The following ATXN1 variants were observed in gnomAD, a reference collection of about 807,000 sequenced individuals.
The protein encoded by ATXN1 is ataxin-1.
A neutral mutation model predicts 56.4 loss-of-function variants in ATXN1; 8 were observed. That is an observed-to-expected ratio of 0.14 (90% CI 0.08 to 0.26). The LOEUF is 0.26. Ranked by LOEUF, ATXN1 falls within the 10% of genes least tolerant of loss-of-function variation. The pLI is 1.00. For missense variants in ATXN1, 987 were observed against 1,106.5 expected (o/e 0.89, Z 1.53); for synonymous variants, 514 against 494.6 (o/e 1.04, Z -0.52).
At chr6:16,484,506 G>A (rs558808487) in intron 6 of ATXN1, among the ~76,000 whole-genome samples, 1 of 152,184 alleles carries the variant, frequency 6.6e-6, no homozygotes, top group East Asian at 1.9e-4. Context: ...GTTTTATGGG[G>A]GCTCGCGACT....
intron 2 of ATXN1, among the ~76,000 whole-genome samples, chr6:16,710,401 G>C (rs1370218407): frequency 1.3e-5 from 2 of 152,020 alleles, no homozygotes; most frequent in African/African-American, 2.4e-5. Context: ...AGTGCAATCT[G>C]AACTAACTTC....
At chr6:16,561,366 A>G (rs1202159015) in intron 4 of ATXN1, among the ~76,000 whole-genome samples, 1 of 152,196 alleles carries the variant, frequency 6.6e-6, no homozygotes, top group African/African-American at 2.4e-5. Flanking sequence ...GGTTCAGACT[A>G]TACAACAACC....
chr6:16,488,302 A>G (rs1234415709), intron 5 of ATXN1, among the ~76,000 whole-genome samples: 1 of 152,242 alleles, frequency 6.6e-6, no homozygotes, highest in Non-Finnish European at 1.5e-5. Flanking sequence ...AAAACAGATC[A>G]CATTACTTGT....
chr6:16,387,358 C>T (rs1344038897), intron 6 of ATXN1, among the ~76,000 whole-genome samples: 10 of 152,206 alleles, frequency 6.6e-5, no homozygotes, highest in African/African-American at 2.4e-4. Flanking sequence ...CTGAGTAAAA[C>T]AGATAATGTA....
chr6:16,617,508 T>C (rs1763235798), intron 3 of ATXN1, among the ~76,000 whole-genome samples: 1 of 151,698 alleles, frequency 6.6e-6, no homozygotes, highest in Admixed American at 6.6e-5. Flanking sequence ...AAAACAAATA[T>C]CAAGATAACA....
At chr6:16,648,857 C>A (rs1763846138) in intron 3 of ATXN1, among the ~76,000 whole-genome samples, 2 of 151,934 alleles carry the variant, frequency 1.3e-5, no homozygotes, top group Admixed American at 1.3e-4. Flanking sequence ...GCAAGGCTAT[C>A]ATGCAAAAAA....
At chr6:16,468,114 A>G (rs1760143367) in intron 6 of ATXN1, among the ~76,000 whole-genome samples, 1 of 152,366 alleles carries the variant, frequency 6.6e-6, no homozygotes, top group Non-Finnish European at 1.5e-5. Context: ...ATTACTAAGA[A>G]CTAATAAACT....
At chr6:16,402,437 T>C (rs1561882546) in intron 6 of ATXN1, among the ~76,000 whole-genome samples, 1 of 36,242 alleles carries the variant, frequency 2.8e-5, no homozygotes, top group Non-Finnish European at 4.9e-5. Flanking sequence ...GTTTTTCTAA[T>C]TCGTTTTTAA....
At chr6:16,362,903 G>A (rs58936812) in intron 6 of ATXN1, among the ~76,000 whole-genome samples, 11,810 of 152,220 alleles carry the variant, frequency 0.078, 1,470 homozygotes, top group African/African-American at 0.26. Flanking sequence ...CTTTCAGTCT[G>A]CTAGGGCTTT....
intron 2 of ATXN1, among the ~76,000 whole-genome samples, chr6:16,669,096 T>A (rs2113378705): frequency 6.6e-6 from 1 of 152,256 alleles, no homozygotes; most frequent in Non-Finnish European, 1.5e-5. Context: ...GGCATTTCCT[T>A]CTCCTCCAAA....
chr6:16,546,394 C>G (rs977958202), intron 4 of ATXN1, among the ~76,000 whole-genome samples: 65 of 152,312 alleles, frequency 4.3e-4, no homozygotes, highest in Middle Eastern at 3.4e-3. Flanking sequence ...TGAGGCAGGG[C>G]TGGAGCCCAG....
Position 16,588,568 on chromosome 6 carries a change from T to C in ATXN1, c.-488-2661A>G, listed in dbSNP as rs117940539. On this transcript the variant is annotated intron_variant, in intron 3 of 7. Coordinates refer to ENST00000436367, the MANE Select transcript of ATXN1 (RefSeq NM_001128164.2). ...CACCACCTCCTAGGACACACTTGTA[T>C]AGAATGACCCTCCCTGGTTATAGTA... 6.6e-4 allele frequency among the ~76,000 whole-genome samples: 100 copies of C among 152,344 alleles called. 1 individual carries two copies. The East Asian group carries it at 0.017, about 26-fold the overall frequency.
At chr6:16,329,999 T>C (rs936699120) in intron 6 of ATXN1, among the ~76,000 whole-genome samples, 1 of 152,258 alleles carries the variant, frequency 6.6e-6, no homozygotes, top group African/African-American at 2.4e-5. Flanking sequence ...AGCTGTGGGA[T>C]TGGGCTTTGG....
intron 6 of ATXN1, among the ~76,000 whole-genome samples, chr6:16,399,731 G>A (rs1758529864): frequency 6.6e-6 from 1 of 152,108 alleles, no homozygotes; most frequent in African/African-American, 2.4e-5. Context: ...GCGCATAGAG[G>A]CCAGGAATGC....
chr6:16,561,238 CATTGCT>C (rs1009653464), intron 4 of ATXN1, among the ~76,000 whole-genome samples: 5 of 152,046 alleles, frequency 3.3e-5, no homozygotes, highest in Non-Finnish European at 7.4e-5. Context: ...CCATAACACT[CATTGCT>C]ATTTTCCAAG....
At chr6:16,679,274 G>GTGT in intron 2 of ATXN1, among the ~76,000 whole-genome samples, 2 of 146,116 alleles carry the variant, frequency 1.4e-5, no homozygotes, top group Admixed American at 6.9e-5. Flanking sequence ...ATGAGTTAGT[G>GTGT]GGTGGATGGA....
intron 2 of ATXN1, among the ~76,000 whole-genome samples, chr6:16,752,321 G>A (rs952425706): frequency 1.3e-5 from 2 of 152,096 alleles, no homozygotes; most frequent in Non-Finnish European, 2.9e-5. Context: ...CCGACCCAGG[G>A]GTTCCCAAAC....
Position 16,305,159 on chromosome 6 carries a change from T to C in ATXN1, c.*1170A>G, listed in dbSNP as rs1421725839. ...AGTTTAAAGTGAGATACAGTACTTGTTGAATGAGAGACCAAGATGCTTGGT... is the reference window on the plus strand; with the variant it reads ...AGTTTAAAGTGAGATACAGTACTTGCTGAATGAGAGACCAAGATGCTTGGT... On this transcript the variant is annotated 3_prime_UTR_variant, in exon 8 of 8. Transcript: ENST00000436367. The C allele has an allele frequency of 6.6e-6, 1 of 152,624 alleles. No individual in the cohort carries two copies. The highest frequency in any genetic ancestry group is 1.5e-5 in the Non-Finnish European group (1 of 68,034). 9.5% of individuals were successfully genotyped at this position (152,624 alleles called of 1,614,324 possible).
At chr6:16,615,519 C>T (rs1397029473) in intron 3 of ATXN1, 1 of 144,460 alleles carries the variant, frequency 6.9e-6, no homozygotes, top group Non-Finnish European at 1.5e-5. Flanking sequence ...TTCTTTCTTT[C>T]TCTACCAGTT....
Sources: allele counts gnomAD v4.1 joint callset (sites outside exome capture counted in the v4.1 genomes callset), GRCh38; gene constraint gnomAD v4.1.1; transcripts MANE v1.5; gene names NCBI Gene and HGNC (gene_info 2026-07-23, HGNC 2026-07-21).